TANC2: variants seen among roughly 807,000 people sequenced by gnomAD.
TANC2 encodes protein TANC2.
Under a neutral mutation model 210.5 loss-of-function variants are expected in TANC2, and 26 were observed. The ratio of observed to expected loss-of-function variants is 0.12; its 90% CI spans 0.09 to 0.17. The LOEUF is 0.17. Ranked by LOEUF, TANC2 falls within the 10% of genes least tolerant of loss-of-function variation. TANC2 has a pLI of 1.00. For synonymous variants in TANC2, 931 were observed against 967.1 expected (o/e 0.96, Z 0.69); for missense variants, 2,129 against 2,608.9 (o/e 0.82, Z 4.01).
At chr17:63,183,567 T>C (rs111768760) in intron 5 of TANC2, among the ~76,000 whole-genome samples, 25 of 152,300 alleles carry the variant, frequency 1.6e-4, no homozygotes, top group Middle Eastern at 6.8e-3. Context: ...TAATGCACAC[T>C]CATTATTCGA....
In TANC2 at chr17:63,036,821, A is replaced by G. The variant is rs556553775; in HGVS notation, c.67+27195A>G. Among the ~76,000 whole-genome samples the G allele has an allele frequency of 6.7e-5, 10 of 148,340 alleles. No homozygotes were observed. The East Asian group carries it at 9.8e-4, about 15-fold the overall frequency. On this transcript the variant is annotated intron_variant, in intron 2 of 27. Coordinates refer to ENST00000689528, the Ensembl canonical transcript of TANC2. ...AGTTTCCAGCATATAGATCTTGTAC[A>G]TGTTTCATTAGACTTACATGTAAGT... is the stretch of plus-strand genomic sequence containing the variant.
Position 63,215,086 on chromosome 17 carries a change from T to C in TANC2, c.769+14129T>C, listed in dbSNP as rs184022103. ...CAGAACAAAAAATGTCAAAATAGATTTAAGAACAGGAATGATCTACAATTG... is the reference window on the plus strand; with the variant it reads ...CAGAACAAAAAATGTCAAAATAGATCTAAGAACAGGAATGATCTACAATTG... On this transcript the variant is annotated intron_variant, in intron 7 of 27. Coordinates refer to ENST00000689528, the Ensembl canonical transcript of TANC2. Among the ~76,000 whole-genome samples the C allele has an allele frequency of 6.6e-5, 10 of 152,270 alleles. No individual in the cohort carries two copies. The East Asian group carries it at 1.4e-3, about 21-fold the overall frequency.
chr17:63,047,805 G>A (rs2035438862), intron 2 of TANC2, among the ~76,000 whole-genome samples: 1 of 152,096 alleles, frequency 6.6e-6, no homozygotes, highest in Admixed American at 6.5e-5. Flanking sequence ...AATAAAAAAA[G>A]CATACAAATT....
chr17:63,246,120 CTGAAT>C (rs2042912611), intron 8 of TANC2, among the ~76,000 whole-genome samples: 1 of 151,794 alleles, frequency 6.6e-6, no homozygotes, highest in South Asian at 2.1e-4. Context: ...AGATCTTTGT[CTGAAT>C]TATCTATTTT....
intron 6 of TANC2, among the ~76,000 whole-genome samples, chr17:63,196,449 T>G (rs994914180): frequency 6.6e-6 from 1 of 152,240 alleles, no homozygotes; most frequent in Non-Finnish European, 1.5e-5. Context: ...CTGTCATTTC[T>G]ACACAGCTAC....
chr17:63,171,468 T>TA (rs1276514825), intron 5 of TANC2, among the ~76,000 whole-genome samples: 1 of 152,208 alleles, frequency 6.6e-6, no homozygotes, highest in African/African-American at 2.4e-5. Context: ...TCACAATAGT[T>TA]ACATTATAAT....
At chr17:63,410,066 G>A (rs1422974189) in intron 21 of TANC2, among the ~76,000 whole-genome samples, 1 of 152,192 alleles carries the variant, frequency 6.6e-6, no homozygotes, top group Non-Finnish European at 1.5e-5. Context: ...TCAGATGAGG[G>A]ATACTCAAGC....
At chr17:63,217,767 T>C (rs896891656) in intron 7 of TANC2, among the ~76,000 whole-genome samples, 4 of 152,132 alleles carry the variant, frequency 2.6e-5, no homozygotes, top group Non-Finnish European at 5.9e-5. Context: ...AGACATGACA[T>C]GAACAGGAGA....
intron 8 of TANC2, among the ~76,000 whole-genome samples, chr17:63,259,039 T>C (rs2043281358): frequency 6.6e-6 from 1 of 152,144 alleles, no homozygotes; most frequent in Non-Finnish European, 1.5e-5. Context: ...AATCAACAAA[T>C]AATGAATCCT....
intron 7 of TANC2, among the ~76,000 whole-genome samples, chr17:63,205,344 CAAAAAAAAAA>C (rs1158768609): frequency 8.7e-4 from 7 of 8,064 alleles, no homozygotes; most frequent in Admixed American, 3.7e-3. Context: ...ACCAAGGAGG[CAAAAAAAAAA>C]AAAAAAAAAA....
At chr17:63,123,892 G>A (rs1206085509) in intron 4 of TANC2, among the ~76,000 whole-genome samples, 3 of 151,656 alleles carry the variant, frequency 2.0e-5, no homozygotes, top group Non-Finnish European at 4.4e-5. Context: ...TAGTAGAGAT[G>A]GGGTTTCACC....
At chr17:63,396,672 C>G (rs2048170154) in intron 18 of TANC2, 1 of 152,090 alleles carries the variant, frequency 6.6e-6, no homozygotes, top group East Asian at 1.9e-4. Context: ...TTTGCAGCAA[C>G]ATAGATGCAA....
In TANC2 at chr17:63,099,354, AC is replaced by A; in HGVS notation, c.320del (p.Thr107MetfsTer4). Reference sequence around the variant, plus strand: ...TCGGCTCCAGCCTGTGAAGAAGTTAACTGGTAAGGACTTTACCTAAATTTAG... The same window carrying A: ...TCGGCTCCAGCCTGTGAAGAAGTTAATGGTAAGGACTTTACCTAAATTTAG... On this transcript the variant is annotated frameshift_variant and splice_region_variant, in exon 4 of 28. Coordinates refer to ENST00000689528, the Ensembl canonical transcript of TANC2. LOFTEE classifies it high-confidence loss of function. 6.6e-7 allele frequency: 1 copy of A among 1,506,128 alleles called. No homozygotes were observed. The highest frequency in any genetic ancestry group is 8.9e-7 in the Non-Finnish European group (1 of 1,119,830). The allele number at this position is 1,506,128 out of a possible 1,614,324, so 93.3% of individuals were successfully genotyped here. A position where few individuals can be genotyped will look rare whatever the true frequency, so the allele number is the denominator to read the frequency against.
At chr17:62,974,182 CT>C (rs1395189317) in intron 1 of TANC2, among the ~76,000 whole-genome samples, 2 of 152,220 alleles carry the variant, frequency 1.3e-5, no homozygotes, top group African/African-American at 4.8e-5. Context: ...AGATTGGCCA[CT>C]TTGCTTTTGT....
At chr17:62,972,731 T>C (rs1234546298) in intron 1 of TANC2, among the ~76,000 whole-genome samples, 2 of 152,204 alleles carry the variant, frequency 1.3e-5, no homozygotes, top group African/African-American at 4.8e-5. Flanking sequence ...GGTCCCTGCC[T>C]CCTCTTTAGA....
chr17:63,124,173 A>G (rs1214152354), intron 4 of TANC2, among the ~76,000 whole-genome samples: 1 of 152,144 alleles, frequency 6.6e-6, no homozygotes, highest in Non-Finnish European at 1.5e-5. Context: ...CAGGCTAACC[A>G]TGAAGAATTT....
chr17:63,199,618 C>CA (rs372702611), intron 6 of TANC2, among the ~76,000 whole-genome samples: 7,029 of 114,070 alleles, frequency 0.062, 213 homozygotes, highest in Middle Eastern at 0.12. Context: ...AACTCCATCT[C>CA]AAAAAAAAAA....
In TANC2 at chr17:63,415,721, T is replaced by C. The variant is rs752052127; in HGVS notation, c.4167+47T>C. On this transcript the variant is annotated intron_variant, in intron 26 of 27. Coordinates refer to ENST00000689528, the Ensembl canonical transcript of TANC2. ...TCCTTTCTGCAATCCTGGTAGCTGA[T>C]AGCCTGTGTCACTCACTAGCTTTTA... 3 of 1,592,014 alleles carry C rather than the reference T, an allele frequency of 1.9e-6. No individual in the cohort carries two copies. The East Asian group carries it at 6.7e-5, about 36-fold the overall frequency.
rs759026733 is a variant in TANC2 at position 63,420,707 on chromosome 17, C to T, written c.4977C>T (p.Gly1659=). 27 of 1,613,800 alleles carry T rather than the reference C, an allele frequency of 1.7e-5. No homozygotes were observed. In the South Asian group the frequency reaches 2.7e-4, roughly 16 times the overall value. ...AAACAAGCGTCAGTCAGCTTCCTGG[C>T]AGACCCAAATCTCCATTATCCAAAA... is the stretch of plus-strand genomic sequence containing the variant. Residue 1659 remains glycine, a synonymous_variant, in exon 28 of 28, where the codon GGC becomes GGT. Coordinates refer to ENST00000689528, the Ensembl canonical transcript of TANC2. The surrounding 1 kb of genome is among the most constrained non-coding windows in gnomAD (Gnocchi z 4.2).
Sources: allele counts gnomAD v4.1 joint callset (sites outside exome capture counted in the v4.1 genomes callset), GRCh38; gene constraint gnomAD v4.1.1; non-coding constraint Gnocchi (gnomAD v3.1); transcripts MANE v1.5; gene names NCBI Gene and HGNC (gene_info 2026-07-23, HGNC 2026-07-21).